The following MAPRE2 variants were observed in gnomAD, a reference collection of about 807,000 sequenced individuals.
MAPRE2 encodes the protein microtubule-associated protein RP/EB family member 2.
MAPRE2 carries 13 observed loss-of-function variants against 43.2 expected under a neutral mutation model. The ratio of observed to expected loss-of-function variants is 0.30; its 90% CI spans 0.20 to 0.48. The LOEUF is 0.48. MAPRE2 is among the 20% of genes least tolerant of loss of function. The probability of loss-of-function intolerance (pLI) is 0.99; values close to 1 mark genes in which losing one functional copy is unlikely to be tolerated. For synonymous variants in MAPRE2, 135 were observed against 148.8 expected (o/e 0.91, Z 0.68); for missense variants, 161 against 400.2 (o/e 0.40, Z 5.10).
chr18:35,013,172 T>C, intron 2 of MAPRE2, among the ~76,000 whole-genome samples: 1 of 151,910 alleles, frequency 6.6e-6, no homozygotes, highest in East Asian at 1.9e-4. Flanking sequence ...ATGCAAGAAG[T>C]TGAGGAGGAA....
chr18:34,983,457 GT>G (rs2097017436), intron 1 of MAPRE2, among the ~76,000 whole-genome samples: 1 of 152,056 alleles, frequency 6.6e-6, no homozygotes, highest in African/African-American at 2.4e-5. Context: ...TTTAGTCAAT[GT>G]TTTTTCAACC....
chr18:35,028,202 C>T (rs1004391366), intron 2 of MAPRE2, among the ~76,000 whole-genome samples: 1 of 152,180 alleles, frequency 6.6e-6, no homozygotes, highest in Non-Finnish European at 1.5e-5. Context: ...AATCCAACCT[C>T]TAGAATGGAA....
At position 34,985,455 on chromosome 18, in the gene MAPRE2, A is replaced by G. The variant is rs1389813284; in HGVS notation, c.-70+8376A>G. ...TATTATATATTATATTTATATAACT[A>G]TATTGTATATTATATAATATATAAT... On this transcript the variant is annotated intron_variant, in intron 1 of 7. Transcript: ENST00000413393. Among the ~76,000 whole-genome samples, 5 of 49,306 alleles carry G rather than the reference A, an allele frequency of 1.0e-4. 1 individual carries two copies. In the Admixed American group the frequency reaches 1.2e-3, roughly 12 times the overall value. 32.3% of individuals were successfully genotyped at this position (49,306 alleles called of 152,430 possible). A position where few individuals can be genotyped will look rare whatever the true frequency, so the allele number is the denominator to read the frequency against.
chr18:34,982,414 C>T (rs143917881), intron 1 of MAPRE2, among the ~76,000 whole-genome samples: 1 of 152,140 alleles, frequency 6.6e-6, no homozygotes, highest in Non-Finnish European at 1.5e-5. Context: ...TTGACTGTCT[C>T]CCTCAAAGCA....
At position 35,031,875 on chromosome 18, in the gene MAPRE2, T is replaced by A. The variant is rs2097048002; in HGVS notation, c.-8+26322T>A. Among the ~76,000 whole-genome samples the A allele has an allele frequency of 2.6e-5, 4 of 152,164 alleles. No homozygotes were observed. In the South Asian group the frequency reaches 8.3e-4, roughly 31 times the overall value. ...CTGGAGGAAAACATTATTCACCAAT[T>A]TTTTTTAAAATAAAATGCTATTACT... On this transcript the variant is annotated intron_variant, in intron 2 of 7. Coordinates refer to the MAPRE2 transcript ENST00000413393.
intron 4 of MAPRE2, among the ~76,000 whole-genome samples, chr18:35,115,428 C>T (rs780571467): frequency 2.0e-5 from 3 of 151,994 alleles, no homozygotes; most frequent in African/African-American, 7.2e-5. Context: ...ATGGATAAGT[C>T]GTTTTATGGA....
intron 1 of MAPRE2, among the ~76,000 whole-genome samples, chr18:35,053,815 C>T (rs1044141377): frequency 2.6e-5 from 4 of 152,104 alleles, no homozygotes; most frequent in African/African-American, 4.8e-5. Context: ...GAGAGAGGAG[C>T]AGAAAAAATA....
chr18:35,053,004 C>A (rs1568985604), intron 1 of MAPRE2, among the ~76,000 whole-genome samples: 1 of 97,532 alleles, frequency 1.0e-5, no homozygotes, highest in Non-Finnish European at 2.4e-5. Context: ...ATATAAAGTC[C>A]CCCCCACACA....
At chr18:35,049,108 C>T (rs1029669248) in intron 1 of MAPRE2, among the ~76,000 whole-genome samples, 9 of 151,966 alleles carry the variant, frequency 5.9e-5, no homozygotes, top group African/African-American at 1.7e-4. Flanking sequence ...GTCAGCCTAC[C>T]CTGGCAAAGC....
chr18:35,041,027 T>C (rs140244433), upstream of MAPRE2, among the ~76,000 whole-genome samples: 8 of 152,356 alleles, frequency 5.3e-5, no homozygotes, highest in East Asian at 1.5e-3. Flanking sequence ...TTAATTGTCA[T>C]GGCATAAAAA....
intron 1 of MAPRE2, among the ~76,000 whole-genome samples, chr18:34,983,743 C>A (rs1303400644): frequency 1.3e-5 from 2 of 152,294 alleles, no homozygotes; most frequent in African/African-American, 4.8e-5. Flanking sequence ...GATTCTCATG[C>A]CTCAGCCTCC....
chr18:35,079,513 C>T (rs1027347969), intron 2 of MAPRE2, among the ~76,000 whole-genome samples: 1 of 152,202 alleles, frequency 6.6e-6, no homozygotes, highest in African/African-American at 2.4e-5. Context: ...CCATCCAGCT[C>T]TATCCCTTCA....
intron 4 of MAPRE2, among the ~76,000 whole-genome samples, chr18:35,125,167 G>T (rs1161296329): frequency 6.6e-6 from 1 of 152,206 alleles, no homozygotes; most frequent in East Asian, 1.9e-4. Context: ...TGCTGTCAGT[G>T]CTTCTAGGGG....
intron 2 of MAPRE2, among the ~76,000 whole-genome samples, chr18:35,076,234 CCAGCGATAAAT>C (rs1907345227): frequency 6.6e-6 from 1 of 152,024 alleles, no homozygotes; most frequent in Non-Finnish European, 1.5e-5. Flanking sequence ...CCCTGGGGAC[CCAGCGATAAAT>C]AAAACATAGT....
chr18:35,054,613 C>T lies in MAPRE2; in HGVS notation c.122+12952C>T, dbSNP rs139174629. ...TTTTGATTTGAGGATGTGCCGTGAA[C>T]GGAAGCCAAATACTAATAGACAGGA... On this transcript the variant is annotated intron_variant, in intron 1 of 6. Transcript: ENST00000300249. 4.4e-3 allele frequency among the ~76,000 whole-genome samples: 674 copies of T among 152,272 alleles called. 3 individuals are homozygous for T. Among genetic ancestry groups the T allele is most frequent in the African/African-American group, 0.014 (585 of 41,564 alleles).
intron 2 of MAPRE2, among the ~76,000 whole-genome samples, chr18:35,080,863 A>G (rs1284911931): frequency 6.6e-6 from 1 of 152,020 alleles, no homozygotes; most frequent in African/African-American, 2.4e-5. Context: ...GACAAATAGC[A>G]AATTACCTGT....
At chr18:35,040,535 T>A (rs2097053112), upstream of MAPRE2, among the ~76,000 whole-genome samples, 2 of 152,260 alleles carry the variant, frequency 1.3e-5, no homozygotes, top group Admixed American at 1.3e-4. Flanking sequence ...ATAATAATAG[T>A]ATCTGTCACA....
rs187702350 is a variant in MAPRE2, at chr18:35,075,727, A to G, written c.250+5405A>G. Reference sequence around the variant, plus strand: ...TTTTAAAAGTTTACATGGTCTCAGCATATCAACTAATTGGAGAAGAAGGGG... The same window carrying G: ...TTTTAAAAGTTTACATGGTCTCAGCGTATCAACTAATTGGAGAAGAAGGGG... On this transcript the variant is annotated intron_variant, in intron 2 of 6. Transcript: ENST00000300249. Among the ~76,000 whole-genome samples, 36 of 152,180 alleles carry G rather than the reference A, an allele frequency of 2.4e-4. No homozygotes were observed. The East Asian group carries it at 2.9e-3, about 12-fold the overall frequency.
At chr18:35,056,203 C>A (rs1334632564) in intron 1 of MAPRE2, among the ~76,000 whole-genome samples, 1 of 151,970 alleles carries the variant, frequency 6.6e-6, no homozygotes, top group Non-Finnish European at 1.5e-5. Context: ...CCTCATCCAA[C>A]TTTAATGAAA....
Sources: gnomAD v4.1 joint callset for allele counts (sites outside exome capture counted in the v4.1 genomes callset) on GRCh38, gnomAD v4.1.1 for gene constraint, MANE v1.5 for transcripts, NCBI Gene and HGNC (gene_info 2026-07-23, HGNC 2026-07-21) for gene names.